ANKRD30B: variants seen among roughly 807,000 people sequenced by gnomAD.
ANKRD30B encodes the protein ankyrin repeat domain-containing protein 30B.
Under a neutral mutation model 202.2 loss-of-function variants are expected in ANKRD30B, and 144 were observed. The observed-to-expected ratio is 0.71, with a 90% CI of 0.62 to 0.82. ANKRD30B has a LOEUF of 0.82. ANKRD30B is among the 40% of genes least tolerant of loss of function. The pLI, the probability that ANKRD30B is intolerant of heterozygous loss-of-function variation, is 0.00. For synonymous variants in ANKRD30B, 508 were observed against 561.3 expected (o/e 0.91, Z 1.34); for missense variants, 1,487 against 1,669.1 (o/e 0.89, Z 1.90).
chr18:14,868,209 G>T, the ANKRD30B span, among the ~76,000 whole-genome samples: 1 of 152,298 alleles, frequency 6.6e-6, no homozygotes, highest in Non-Finnish European at 1.5e-5. Flanking sequence ...GGGGGAGTAG[G>T]AGGGCTTTGG....
At chr18:14,881,289 C>G in the ANKRD30B span, among the ~76,000 whole-genome samples, 1 of 152,190 alleles carries the variant, frequency 6.6e-6, no homozygotes, top group Admixed American at 6.5e-5. Flanking sequence ...GAGCTTTAAT[C>G]ATAAAGCAAT....
In ANKRD30B at chr18:14,755,505, C is replaced by T. The variant is rs1054066228; in HGVS notation, c.617+500C>T. ...TGTTGGTGGGCTGCACCCATTAACT[C>T]GTCATTTAGCATTAGGTATATCTCC... is the stretch of plus-strand genomic sequence containing the variant. On this transcript the variant is annotated intron_variant, in intron 4 of 43. Coordinates refer to ENST00000690538, the MANE Select transcript of ANKRD30B (RefSeq NM_001367607.2). Among the ~76,000 whole-genome samples the T allele has an allele frequency of 2.3e-4, 35 of 151,834 alleles. 1 individual carries two copies. The highest frequency in any genetic ancestry group is 1.4e-3 in the Admixed American group (21 of 15,230).
At chr18:14,774,103 T>C (rs1446351596) in intron 9 of ANKRD30B, among the ~76,000 whole-genome samples, 1 of 152,220 alleles carries the variant, frequency 6.6e-6, no homozygotes, top group Non-Finnish European at 1.5e-5. Flanking sequence ...CTTTTAGGTA[T>C]TGGCTGAAGA....
chr18:14,758,660 A>G (rs1442231431), intron 5 of ANKRD30B, among the ~76,000 whole-genome samples: 2 of 152,174 alleles, frequency 1.3e-5, no homozygotes, highest in South Asian at 2.1e-4. Flanking sequence ...CAAATTGACC[A>G]TTCTCCTCCC....
At chr18:14,751,587 C>A (rs1226903087) in intron 1 of ANKRD30B, among the ~76,000 whole-genome samples, 1 of 152,046 alleles carries the variant, frequency 6.6e-6, no homozygotes, top group Non-Finnish European at 1.5e-5. Context: ...TAATATTAAT[C>A]ATCAAAAATA....
At chr18:14,927,623 A>T in the ANKRD30B span, among the ~76,000 whole-genome samples, 1 of 152,242 alleles carries the variant, frequency 6.6e-6, no homozygotes, top group East Asian at 1.9e-4. Context: ...ATCCACAGAG[A>T]ACATATCTGG....
chr18:14,790,672 GT>G (rs1444080963), intron 15 of ANKRD30B, among the ~76,000 whole-genome samples: 7 of 152,046 alleles, frequency 4.6e-5, no homozygotes, highest in African/African-American at 1.7e-4. Context: ...CTTTGGTTCT[GT>G]TTATATGCTG....
chr18:14,901,889 T>C, the ANKRD30B span, among the ~76,000 whole-genome samples: 1 of 152,306 alleles, frequency 6.6e-6, no homozygotes, highest in Non-Finnish European at 1.5e-5. Flanking sequence ...GTTGTCTACA[T>C]GGTTCTCCTA....
the ANKRD30B span, among the ~76,000 whole-genome samples, chr18:14,928,028 TG>T: frequency 6.6e-6 from 1 of 151,996 alleles, no homozygotes; most frequent in African/African-American, 2.4e-5. Flanking sequence ...AGTGCAATGG[TG>T]CTATCTCAGC....
chr18:14,895,881 G>A, the ANKRD30B span, among the ~76,000 whole-genome samples: 1 of 152,172 alleles, frequency 6.6e-6, no homozygotes, highest in Non-Finnish European at 1.5e-5. Context: ...GAAAAAGGAT[G>A]AAAAGCTGAA....
the ANKRD30B span, among the ~76,000 whole-genome samples, chr18:14,895,290 A>C: frequency 6.6e-6 from 1 of 151,928 alleles, no homozygotes; most frequent in Non-Finnish European, 1.5e-5. Context: ...ATAAAAGTTG[A>C]AATTATTTAA....
chr18:14,829,692 G>T (rs371786271), intron 33 of ANKRD30B, among the ~76,000 whole-genome samples: 1 of 152,314 alleles, frequency 6.6e-6, no homozygotes, highest in African/African-American at 2.4e-5. Flanking sequence ...TGAATAGATT[G>T]CTGCTTTTTT....
At chr18:14,779,110 T>C (rs1271860317) in intron 10 of ANKRD30B, among the ~76,000 whole-genome samples, 2 of 152,190 alleles carry the variant, frequency 1.3e-5, no homozygotes, top group Middle Eastern at 3.2e-3. Flanking sequence ...AGAGAGAAGA[T>C]AGCCAGGCAA....
At chr18:14,771,263 C>G (rs1405383673) in intron 8 of ANKRD30B, among the ~76,000 whole-genome samples, 1 of 152,152 alleles carries the variant, frequency 6.6e-6, no homozygotes, top group Non-Finnish European at 1.5e-5. Context: ...GAAGAAAGAT[C>G]TGGAAGTGAG....
Position 14,748,534 on chromosome 18 carries a change from C to G in ANKRD30B, c.115C>G (p.Leu39Val). ...KDYGTIYFGD[L>V]GKIHTAASRG... ...CTACGGGACCATCTACTTCGGGGAT[C>G]TAGGGAAGATCCATACAGCTGCCTC... The change falls in exon 1 of 44, where the codon CTA becomes GTA. Residue 39 changes from leucine (L) to valine (V), a missense_variant. Coordinates refer to ENST00000690538, the MANE Select transcript of ANKRD30B (RefSeq NM_001367607.2). 1 of 1,553,758 alleles carries G rather than the reference C, an allele frequency of 6.4e-7. No individual in the cohort carries two copies. Among genetic ancestry groups the G allele is most frequent in the South Asian group, 1.2e-5 (1 of 84,144 alleles).
chr18:14,829,103 T>C (rs1970793224), intron 33 of ANKRD30B, among the ~76,000 whole-genome samples: 1 of 152,168 alleles, frequency 6.6e-6, no homozygotes, highest in Non-Finnish European at 1.5e-5. Flanking sequence ...ATTACTTTCT[T>C]CTCTGCTTTC....
chr18:14,768,950 A>G (rs1328981255), intron 7 of ANKRD30B, among the ~76,000 whole-genome samples: 1 of 152,202 alleles, frequency 6.6e-6, no homozygotes, highest in African/African-American at 2.4e-5. Flanking sequence ...TGAGAACTAT[A>G]AAGGAGGGGA....
At chr18:14,912,932 G>A in the ANKRD30B span, among the ~76,000 whole-genome samples, 8 of 152,196 alleles carry the variant, frequency 5.3e-5, 1 homozygote, top group Non-Finnish European at 8.8e-5. Flanking sequence ...GGAGTTTTGT[G>A]TACTGGTTTG....
At chr18:14,772,109 T>A in intron 8 of ANKRD30B, 47 bp from the exon 9 acceptor site, 1 of 1,254,932 alleles carries the variant, frequency 8.0e-7, no homozygotes, top group Non-Finnish European at 1.1e-6. Context: ...ATTTTCTTTT[T>A]AAATATATGA....
Sources: gnomAD v4.1 joint callset for allele counts (sites outside exome capture counted in the v4.1 genomes callset) on GRCh38, gnomAD v4.1.1 for gene constraint, MANE v1.5 for transcripts, NCBI Gene and HGNC (gene_info 2026-07-23, HGNC 2026-07-21) for gene names.